The following MRPL23 variants were observed in gnomAD, a reference collection of about 807,000 sequenced individuals.
MRPL23 encodes large ribosomal subunit protein uL23m.
For missense variants in MRPL23, 25 were observed against 81.3 expected (o/e 0.31, Z 2.66); for synonymous variants, 12 against 34.8 (o/e 0.35, Z 2.30).
At chr11:1,981,759 G>A (rs372736079) in intron 5 of MRPL23, among the ~76,000 whole-genome samples, 1 of 144,076 alleles carries the variant, frequency 6.9e-6, no homozygotes, top group Non-Finnish European at 1.6e-5. Flanking sequence ...GGTCGTAAGC[G>A]TGGGAAATGC....
downstream of MRPL23, among the ~76,000 whole-genome samples, chr11:1,988,778 G>A (rs1327562088): frequency 3.6e-5 from 5 of 140,128 alleles, no homozygotes; most frequent in East Asian, 1.0e-3. Context: ...CTCTCACCCC[G>A]CTCAAACATG....
chr11:1,984,029 TGCGG>T (rs1672861653), intron 5 of MRPL23: 1 of 92,134 alleles, frequency 1.1e-5, no homozygotes, highest in African/African-American at 3.6e-5. Flanking sequence ...GCAGGAAGCC[TGCGG>T]GCGGGGACTG....
At chr11:1,971,706 A>AC (rs1458998148) in intron 4 of MRPL23, among the ~76,000 whole-genome samples, 1 of 143,556 alleles carries the variant, frequency 7.0e-6, no homozygotes, top group African/African-American at 2.5e-5. Context: ...TCCCCAACAG[A>AC]CCCCACACCC....
chr11:1,994,702 T>G, the MRPL23 span, among the ~76,000 whole-genome samples: 1 of 60,656 alleles, frequency 1.6e-5, no homozygotes, highest in Non-Finnish European at 4.7e-5. Flanking sequence ...CGGGGTGGGG[T>G]CGCCCAGAGC....
intron 5 of MRPL23, among the ~76,000 whole-genome samples, chr11:1,978,750 CAA>C (rs61590768): frequency 1.2e-4 from 5 of 43,214 alleles, no homozygotes; most frequent in Admixed American, 2.3e-4. Context: ...AACTCTGTCT[CAA>C]AAAAAAAAAA....
rs1802794 is a variant in MRPL23 at position 1,956,338 on chromosome 11, A to G, written c.380A>G (p.Tyr127Cys). The change falls in exon 5 of 5, where the codon TAC becomes TGC. Residue 127 changes from tyrosine (Y) to cysteine (C), a missense_variant. By Grantham distance (194) the Tyr-to-Cys change is radical. Coordinates refer to ENST00000397298, the MANE Select transcript of MRPL23 (RefSeq NM_021134.4). ...SPEGSAADDL[Y>C]SMLEEERQQR... Reference sequence around the variant, plus strand: ...GAAGGCAGCGCTGCCGACGACCTCTACAGCATGCTCGAGGAGGAGAGGCAG... The same window carrying G: ...GAAGGCAGCGCTGCCGACGACCTCTGCAGCATGCTCGAGGAGGAGAGGCAG... 13 of 1,547,954 alleles carry G rather than the reference A, an allele frequency of 8.4e-6. No individual in the cohort carries two copies. In the South Asian group the frequency reaches 1.5e-4, roughly 18 times the overall value.
At chr11:1,983,692 C>T (rs1407122059) in intron 5 of MRPL23, 1 of 144,786 alleles carries the variant, frequency 6.9e-6, no homozygotes, top group Non-Finnish European at 1.5e-5. Flanking sequence ...GGCCCCTCCT[C>T]CTCCTGAGCT....
At position 1,956,320 on chromosome 11, in the gene MRPL23, G is replaced by A; in HGVS notation, c.362G>A (p.Ser121Asn). Residue 121 changes from serine to asparagine, a missense_variant, in exon 5 of 5, where the codon AGC (serine) becomes AAC (asparagine). Transcript: ENST00000397298. ...GAGAAAGACGAGAGCCCTGAAGGCA[G>A]CGCTGCCGACGACCTCTACAGCATG... ...FPEKDESPEG[S>N]AADDLYSMLE... is the part of the protein sequence containing the mutation. 2 of 1,557,386 alleles carry A rather than the reference G, an allele frequency of 1.3e-6. 1 individual carries two copies. The highest frequency in any genetic ancestry group is 3.4e-4 in the Middle Eastern group (2 of 5,844).
At chr11:1,988,967 G>A (rs1351219415), downstream of MRPL23, among the ~76,000 whole-genome samples, 3 of 142,458 alleles carry the variant, frequency 2.1e-5, no homozygotes, top group South Asian at 2.7e-4. Context: ...GCTCCCAGGC[G>A]CTTCCTTCCC....
chr11:1,989,052 A>T (rs1856846152), downstream of MRPL23, among the ~76,000 whole-genome samples: 1 of 139,032 alleles, frequency 7.2e-6, no homozygotes. Flanking sequence ...GGCCCCAGAA[A>T]CCTCTTTGGA....
chr11:1,994,192 G>T, the MRPL23 span, among the ~76,000 whole-genome samples: 1 of 88,998 alleles, frequency 1.1e-5, no homozygotes, highest in African/African-American at 2.8e-5. Context: ...CAGGGGGGAG[G>T]GGGGAAGGAA....
At chr11:1,971,287 AG>A (rs1856607508) in intron 4 of MRPL23, among the ~76,000 whole-genome samples, 1 of 107,622 alleles carries the variant, frequency 9.3e-6, no homozygotes, top group Admixed American at 9.4e-5. Flanking sequence ...AGCCACACAG[AG>A]GGCCCCCCAG....
chr11:1,959,255 C>T (rs555439344), downstream of MRPL23, among the ~76,000 whole-genome samples: 7 of 68,000 alleles, frequency 1.0e-4, 1 homozygote, highest in East Asian at 2.9e-3. Context: ...CGGAGCAGGC[C>T]GGGGTGGGCA....
the MRPL23 span, among the ~76,000 whole-genome samples, chr11:1,991,708 G>A: frequency 3.9e-5 from 5 of 129,122 alleles, no homozygotes; most frequent in Non-Finnish European, 8.8e-5. Flanking sequence ...TGGGAGGGCC[G>A]AGGAGGGCCC....
the MRPL23 span, among the ~76,000 whole-genome samples, chr11:1,991,550 T>TCA: frequency 0.31 from 20,793 of 67,488 alleles, 4,385 homozygotes; most frequent in East Asian, 0.51. Context: ...TTGTCAGGCA[T>TCA]CACACACACA....
chr11:1,959,973 C>T (rs1856463243), downstream of MRPL23, among the ~76,000 whole-genome samples: 1 of 130,696 alleles, frequency 7.7e-6, no homozygotes, highest in African/African-American at 2.7e-5. Flanking sequence ...GCTCCGTGTC[C>T]CCATTCATGT....
Position 1,956,159 on chromosome 11 carries a change from G to GCAGA in MRPL23, c.298-96_298-93dup, listed in dbSNP as rs796812509. 43 of 257,812 alleles carry GCAGA rather than the reference G, an allele frequency of 1.7e-4. 2 individuals are homozygous for GCAGA. Among genetic ancestry groups the GCAGA allele is most frequent in the Non-Finnish European group, 2.5e-4 (40 of 160,806 alleles). The allele number at this position is 257,812 out of a possible 1,614,324, so 16.0% of individuals were successfully genotyped here. A position where few individuals can be genotyped will look rare whatever the true frequency, so the allele number is the denominator to read the frequency against. On this transcript the variant is annotated intron_variant, in intron 4 of 4. Coordinates refer to ENST00000397298, the MANE Select transcript of MRPL23 (RefSeq NM_021134.4). Reference sequence around the variant, plus strand: ...CTCTGAGCAGTTGAATCCGGCGCCGGCAGAAAGGGGCTGCCAGAAAGCATG... The same window carrying GCAGA: ...CTCTGAGCAGTTGAATCCGGCGCCGGCAGACAGAAAGGGGCTGCCAGAAAGCATG...
the MRPL23 span, chr11:1,991,923 T>G: frequency 2.4e-5 from 3 of 122,914 alleles, 1 homozygote; most frequent in Non-Finnish European, 5.6e-5. Flanking sequence ...TGAAGGGACT[T>G]CACTTCCTTC....
the MRPL23 span, chr11:1,991,899 C>G: frequency 9.9e-5 from 13 of 131,694 alleles, no homozygotes; most frequent in African/African-American, 3.4e-4. Flanking sequence ...CCCAAAACAT[C>G]GCTTTGTCCC....
Sources: gnomAD v4.1 joint callset for allele counts (sites outside exome capture counted in the v4.1 genomes callset) on GRCh38, gnomAD v4.1.1 for gene constraint, MANE v1.5 for transcripts, NCBI Gene and HGNC (gene_info 2026-07-23, HGNC 2026-07-21) for gene names.